GPR158: variants seen among roughly 807,000 people sequenced by gnomAD.
GPR158 encodes G protein-coupled receptor 158.
A neutral mutation model predicts 78.2 loss-of-function variants in GPR158; 30 were observed. The observed-to-expected ratio is 0.38, with a 90% CI of 0.29 to 0.52. The LOEUF is 0.52. Ranked by LOEUF, GPR158 falls within the 20% of genes least tolerant of loss-of-function variation. The pLI is 0.83. For missense variants in GPR158, 1,463 were observed against 1,523.5 expected (o/e 0.96, Z 0.66); for synonymous variants, 581 against 591.1 (o/e 0.98, Z 0.25).
chr10:25,401,619 T>C (rs923786877), intron 3 of GPR158, among the ~76,000 whole-genome samples: 1 of 152,092 alleles, frequency 6.6e-6, no homozygotes, highest in African/African-American at 2.4e-5. Context: ...TAATTTTATA[T>C]ATTTGCATTA....
intron 6 of GPR158, among the ~76,000 whole-genome samples, chr10:25,551,509 T>C (rs760738346): frequency 6.6e-6 from 1 of 152,210 alleles, no homozygotes; most frequent in Non-Finnish European, 1.5e-5. Flanking sequence ...CCCAAGGTAA[T>C]CCTGCTGATA....
At chr10:25,563,329 A>G (rs939174350) in intron 6 of GPR158, among the ~76,000 whole-genome samples, 29 of 152,120 alleles carry the variant, frequency 1.9e-4, no homozygotes, top group Admixed American at 1.6e-3. Flanking sequence ...TTTACAAACT[A>G]TTATTTCATT....
At chr10:25,251,213 A>C (rs1853792977) in intron 2 of GPR158, among the ~76,000 whole-genome samples, 1 of 152,166 alleles carries the variant, frequency 6.6e-6, no homozygotes, top group Non-Finnish European at 1.5e-5. Flanking sequence ...GTGTCTCTGC[A>C]CATGAGATGG....
intron 4 of GPR158, among the ~76,000 whole-genome samples, chr10:25,416,090 A>G (rs1834656264): frequency 6.6e-6 from 1 of 152,162 alleles, no homozygotes. Context: ...TAAAAGAGTT[A>G]ATGAAATAAT....
intron 2 of GPR158, among the ~76,000 whole-genome samples, chr10:25,383,786 T>G (rs980950670): frequency 5.3e-5 from 8 of 152,124 alleles, no homozygotes; most frequent in Non-Finnish European, 1.0e-4. Context: ...CAAAAGAGAC[T>G]CTAAAGTGAC....
chr10:25,498,516 G>C (rs1033803043), intron 5 of GPR158, among the ~76,000 whole-genome samples: 1 of 152,122 alleles, frequency 6.6e-6, no homozygotes, highest in Non-Finnish European at 1.5e-5. Context: ...CATTCTCAAG[G>C]CTCTCCAGAT....
At chr10:25,446,435 G>A (rs1835139239) in intron 4 of GPR158, among the ~76,000 whole-genome samples, 1 of 152,120 alleles carries the variant, frequency 6.6e-6, no homozygotes, top group African/African-American at 2.4e-5. Context: ...AAAAATAGGA[G>A]GGTTTGAAAA....
At chr10:25,275,939 CTTAT>C (rs1339226652) in intron 2 of GPR158, among the ~76,000 whole-genome samples, 2 of 152,096 alleles carry the variant, frequency 1.3e-5, no homozygotes, top group East Asian at 3.9e-4. Context: ...GTATATTGCA[CTTAT>C]TTATGTGAGG....
At chr10:25,267,968 A>G (rs1315545637) in intron 2 of GPR158, among the ~76,000 whole-genome samples, 2 of 152,164 alleles carry the variant, frequency 1.3e-5, no homozygotes, top group Non-Finnish European at 2.9e-5. Context: ...TTATTATCAC[A>G]TATCGTCCAC....
At chr10:25,373,062 A>G (rs926702345) in intron 2 of GPR158, among the ~76,000 whole-genome samples, 2 of 151,904 alleles carry the variant, frequency 1.3e-5, no homozygotes, top group South Asian at 2.1e-4. Context: ...ATGCCCATCA[A>G]CGGCAGATTG....
At chr10:25,216,064 A>G (rs749034919) in intron 1 of GPR158, among the ~76,000 whole-genome samples, 3 of 152,116 alleles carry the variant, frequency 2.0e-5, no homozygotes, top group African/African-American at 7.2e-5. Flanking sequence ...TGACCAACAA[A>G]TTCCCCTTTC....
chr10:25,291,134 A>T (rs1854430208), intron 2 of GPR158, among the ~76,000 whole-genome samples: 1 of 152,084 alleles, frequency 6.6e-6, no homozygotes, highest in Non-Finnish European at 1.5e-5. Flanking sequence ...ATCTTGTTGA[A>T]AAAAAGATTT....
chr10:25,222,981 T>C (rs114766912), intron 2 of GPR158, among the ~76,000 whole-genome samples: 5 of 152,328 alleles, frequency 3.3e-5, no homozygotes, highest in African/African-American at 1.2e-4. Context: ...AGAACCTCTT[T>C]CTCCTTTTGG....
intron 2 of GPR158, among the ~76,000 whole-genome samples, chr10:25,394,577 T>C (rs755910265): frequency 6.6e-6 from 1 of 152,212 alleles, no homozygotes; most frequent in Non-Finnish European, 1.5e-5. Context: ...TTGAATTGAC[T>C]GGTACTCTTG....
chr10:25,398,385 C>T (rs905969218), intron 3 of GPR158, among the ~76,000 whole-genome samples: 1 of 152,094 alleles, frequency 6.6e-6, no homozygotes, highest in African/African-American at 2.4e-5. Flanking sequence ...TGGCATTTTT[C>T]ACGTTTATGG....
chr10:25,590,883 C>T (rs1258042121), intron 8 of GPR158, among the ~76,000 whole-genome samples: 1 of 152,142 alleles, frequency 6.6e-6, no homozygotes, highest in South Asian at 2.1e-4. Context: ...TCTAAATATC[C>T]TTTAATTCCT....
chr10:25,511,421 G>T (rs1836085003), intron 5 of GPR158, among the ~76,000 whole-genome samples: 1 of 152,020 alleles, frequency 6.6e-6, no homozygotes, highest in African/African-American at 2.4e-5. Flanking sequence ...ATTTGAGTTT[G>T]TTGTAGATTC....
At chr10:25,416,423 C>A (rs980651050) in intron 4 of GPR158, among the ~76,000 whole-genome samples, 13 of 152,074 alleles carry the variant, frequency 8.5e-5, no homozygotes, top group African/African-American at 2.9e-4. Context: ...ACTTAGTGTG[C>A]AAACAAAACT....
chr10:25,393,226 A>G (rs931610421), intron 2 of GPR158, among the ~76,000 whole-genome samples: 2 of 152,222 alleles, frequency 1.3e-5, no homozygotes, highest in East Asian at 1.9e-4. Context: ...CAGATCTTCC[A>G]TAAGAATTTA....
Sources: gnomAD v4.1 joint callset for allele counts (sites outside exome capture counted in the v4.1 genomes callset) on GRCh38, gnomAD v4.1.1 for gene constraint, MANE v1.5 for transcripts, NCBI Gene and HGNC (gene_info 2026-07-23, HGNC 2026-07-21) for gene names.